SAMMSON: variants seen among roughly 807,000 people sequenced by gnomAD.
The protein encoded by SAMMSON is survival associated mitochondrial melanoma specific oncogenic non-coding RNA, also known as long intergenic non-protein coding RNA 1212.
intron 7 of SAMMSON, among the ~76,000 whole-genome samples, chr3:70,341,733 A>T (rs1382333333): frequency 6.6e-6 from 1 of 152,196 alleles, no homozygotes; most frequent in East Asian, 1.9e-4. Flanking sequence ...AGCCAACAGG[A>T]TATTAGAGCA....
intron 6 of SAMMSON, among the ~76,000 whole-genome samples, chr3:70,276,312 T>A (rs541229569): frequency 6.6e-6 from 1 of 152,294 alleles, no homozygotes; most frequent in East Asian, 1.9e-4. Context: ...TTTAAATAAC[T>A]TTATATTATT....
chr3:70,371,409 G>C (rs1460068671), intron 9 of SAMMSON, among the ~76,000 whole-genome samples: 1 of 151,924 alleles, frequency 6.6e-6, no homozygotes, highest in Admixed American at 6.6e-5. Flanking sequence ...TGGGTTGTAT[G>C]ATCATTATTG....
At chr3:70,105,731 T>A (rs2067364575) in intron 4 of SAMMSON, among the ~76,000 whole-genome samples, 1 of 152,174 alleles carries the variant, frequency 6.6e-6, no homozygotes, top group Non-Finnish European at 1.5e-5. Flanking sequence ...CATCAAAAGC[T>A]CAAAAGCCAT....
intron 4 of SAMMSON, among the ~76,000 whole-genome samples, chr3:70,107,467 G>T (rs1436450132): frequency 6.6e-6 from 1 of 152,134 alleles, no homozygotes; most frequent in Non-Finnish European, 1.5e-5. Flanking sequence ...ACCCTAGAAA[G>T]GAAAGTTGGG....
chr3:70,149,909 T>G (rs2067564314), intron 4 of SAMMSON, among the ~76,000 whole-genome samples: 1 of 152,090 alleles, frequency 6.6e-6, no homozygotes, highest in African/African-American at 2.4e-5. Flanking sequence ...ACTCTTCAGC[T>G]CTTATGTGAT....
At chr3:70,279,607 C>G (rs1702061130) in intron 6 of SAMMSON, among the ~76,000 whole-genome samples, 1 of 152,162 alleles carries the variant, frequency 6.6e-6, no homozygotes, top group East Asian at 1.9e-4. Flanking sequence ...GGGTTGAAGG[C>G]TCAGATTTGC....
chr3:70,401,614 T>C (rs958096033), intron 2 of SAMMSON, among the ~76,000 whole-genome samples: 10 of 150,488 alleles, frequency 6.6e-5, no homozygotes, highest in Non-Finnish European at 1.3e-4. Context: ...TATTTTTTTC[T>C]GGATATTTTT....
intron 4 of SAMMSON, among the ~76,000 whole-genome samples, chr3:70,247,461 T>A (rs1018964961): frequency 1.3e-5 from 2 of 151,798 alleles, no homozygotes; most frequent in African/African-American, 4.8e-5. Flanking sequence ...GTATTCTTTA[T>A]CATATAATAT....
intron 1 of SAMMSON, among the ~76,000 whole-genome samples, chr3:70,001,740 C>A (rs1390447759): frequency 6.6e-6 from 1 of 152,064 alleles, no homozygotes. Flanking sequence ...GTTAGGTATG[C>A]AACCCAGCTT....
intron 2 of SAMMSON, among the ~76,000 whole-genome samples, chr3:70,424,494 T>A (rs13063220): frequency 0.16 from 24,704 of 152,162 alleles, 2,773 homozygotes; most frequent in Non-Finnish European, 0.23. Context: ...AGTTTTTTTT[T>A]AATTTCACAC....
At chr3:70,102,764 T>C (rs1403844340) in intron 4 of SAMMSON, among the ~76,000 whole-genome samples, 1 of 152,166 alleles carries the variant, frequency 6.6e-6, no homozygotes, top group South Asian at 2.1e-4. Flanking sequence ...ACTGGGTCTC[T>C]GTAGTCATCA....
intron 4 of SAMMSON, among the ~76,000 whole-genome samples, chr3:70,210,086 C>T (rs1377841714): frequency 6.6e-6 from 1 of 151,942 alleles, no homozygotes; most frequent in Non-Finnish European, 1.5e-5. Flanking sequence ...CAAAGTAATT[C>T]AGTAACAAAA....
At chr3:70,384,807 T>C (rs1407048240) in intron 9 of SAMMSON, among the ~76,000 whole-genome samples, 1 of 152,030 alleles carries the variant, frequency 6.6e-6, no homozygotes, top group Non-Finnish European at 1.5e-5. Flanking sequence ...AAAATAAGGA[T>C]TTTTTTCGTC....
In SAMMSON at chr3:70,422,377, C is replaced by A. The variant is rs896234526; in HGVS notation, n.234-40183C>A. 2.0e-5 allele frequency among the ~76,000 whole-genome samples: 3 copies of A among 151,844 alleles called. No homozygotes were observed. In the East Asian group the frequency reaches 5.8e-4, roughly 29 times the overall value. On this transcript the variant is annotated intron_variant and non_coding_transcript_variant, in intron 2 of 3. Transcript: ENST00000641053. Reference sequence around the variant, plus strand: ...TTAACTAACGTACATTAGGTAATTTCTTTGCTTTTACCATATTAATATTTT... The same window carrying A: ...TTAACTAACGTACATTAGGTAATTTATTTGCTTTTACCATATTAATATTTT...
intron 6 of SAMMSON, among the ~76,000 whole-genome samples, chr3:70,264,716 G>A (rs927304330): frequency 6.6e-6 from 1 of 152,180 alleles, no homozygotes; most frequent in South Asian, 2.1e-4. Context: ...CATAATAACA[G>A]AATTCTTGGA....
chr3:70,392,975 A>G (rs1701062481), downstream of SAMMSON, among the ~76,000 whole-genome samples: 1 of 152,138 alleles, frequency 6.6e-6, no homozygotes, highest in South Asian at 2.1e-4. Flanking sequence ...ATTTTTGCAC[A>G]TTTTGGGATC....
chr3:70,092,841 T>A (rs770128076), intron 4 of SAMMSON, among the ~76,000 whole-genome samples: 7 of 152,088 alleles, frequency 4.6e-5, no homozygotes, highest in Non-Finnish European at 1.0e-4. Flanking sequence ...ACAGACAGGT[T>A]TAGTGATTCG....
chr3:70,324,594 A>G (rs1046815504), intron 7 of SAMMSON, among the ~76,000 whole-genome samples: 1 of 152,198 alleles, frequency 6.6e-6, no homozygotes, highest in African/African-American at 2.4e-5. Flanking sequence ...GACTATTTCT[A>G]GGTGCTGTCG....
chr3:70,170,383 C>T (rs945964492), intron 4 of SAMMSON, among the ~76,000 whole-genome samples: 4 of 151,560 alleles, frequency 2.6e-5, no homozygotes, highest in African/African-American at 7.3e-5. Context: ...TATAGAGGTT[C>T]CTGAATGTCT....
Sources: allele counts gnomAD v4.1 joint callset (sites outside exome capture counted in the v4.1 genomes callset), GRCh38; gene constraint gnomAD v4.1.1; transcripts MANE v1.5; gene names NCBI Gene and HGNC (gene_info 2026-07-23, HGNC 2026-07-21).